CREB5: variants seen among roughly 807,000 people sequenced by gnomAD.
CREB5 encodes cAMP responsive element binding protein 5.
Under a neutral mutation model 57.1 loss-of-function variants are expected in CREB5, and 19 were observed. The observed-to-expected ratio is 0.33, with a 90% CI of 0.23 to 0.49. CREB5 has a LOEUF of 0.49. Among genes scored for constraint, CREB5 ranks in the 20% least tolerant of loss-of-function variants. The pLI, the probability that CREB5 is intolerant of heterozygous loss-of-function variation, is 0.99. For synonymous variants in CREB5, 238 were observed against 238.3 expected (o/e 1.00, Z 0.01); for missense variants, 579 against 671.6 (o/e 0.86, Z 1.52).
chr7:28,758,172 A>G (rs1302777669), intron 7 of CREB5, among the ~76,000 whole-genome samples: 1 of 152,170 alleles, frequency 6.6e-6, no homozygotes, highest in Non-Finnish European at 1.5e-5. Flanking sequence ...AGACATGAAG[A>G]TATCGAGGCT....
At chr7:28,719,583 C>T (rs1476542655) in intron 6 of CREB5, among the ~76,000 whole-genome samples, 1 of 152,190 alleles carries the variant, frequency 6.6e-6, no homozygotes, top group African/African-American at 2.4e-5. Flanking sequence ...TTCCCTCTCA[C>T]AACAAACCTG....
intron 1 of CREB5, among the ~76,000 whole-genome samples, chr7:28,317,147 G>T (rs550500086): frequency 6.6e-6 from 1 of 151,830 alleles, no homozygotes; most frequent in African/African-American, 2.4e-5. Flanking sequence ...TTTGCATTCT[G>T]CTGCCCATAT....
chr7:28,629,931 T>C (rs973006596), intron 5 of CREB5, among the ~76,000 whole-genome samples: 2 of 152,294 alleles, frequency 1.3e-5, no homozygotes, highest in East Asian at 3.9e-4. Context: ...CTATGGCACA[T>C]TCAGAAAACA....
chr7:28,336,144 G>T (rs1785818166), intron 1 of CREB5, among the ~76,000 whole-genome samples: 1 of 152,064 alleles, frequency 6.6e-6, no homozygotes, highest in African/African-American at 2.4e-5. Flanking sequence ...CAGAGACATT[G>T]GCCTGTAGTT....
intron 5 of CREB5, among the ~76,000 whole-genome samples, chr7:28,652,812 G>C (rs769405871): frequency 6.6e-6 from 1 of 152,158 alleles, no homozygotes; most frequent in Non-Finnish European, 1.5e-5. Context: ...GATGCTACCC[G>C]AATGTGTAAT....
intron 1 of CREB5, among the ~76,000 whole-genome samples, chr7:28,332,569 T>A (rs1180182986): frequency 6.6e-6 from 1 of 152,198 alleles, no homozygotes; most frequent in Non-Finnish European, 1.5e-5. Context: ...TACAACCCTG[T>A]ACACCTTCCC....
At chr7:28,672,701 G>T (rs1208933942) in intron 5 of CREB5, among the ~76,000 whole-genome samples, 3 of 152,096 alleles carry the variant, frequency 2.0e-5, no homozygotes, top group African/African-American at 7.2e-5. Context: ...CTACAATCCA[G>T]AGATACCAGC....
At chr7:28,560,732 C>T (rs1013598227) in intron 4 of CREB5, among the ~76,000 whole-genome samples, 19 of 151,686 alleles carry the variant, frequency 1.3e-4, no homozygotes, top group African/African-American at 4.4e-4. Context: ...ACCTGCTGAC[C>T]AGCCCTTTGC....
At chr7:28,503,152 T>C (rs902157352) in intron 3 of CREB5, among the ~76,000 whole-genome samples, 4 of 152,178 alleles carry the variant, frequency 2.6e-5, no homozygotes, top group Non-Finnish European at 5.9e-5. Context: ...TAATTCCTAA[T>C]TCGTAAGGCC....
chr7:28,647,039 C>T (rs1798916383), intron 5 of CREB5, among the ~76,000 whole-genome samples: 1 of 151,884 alleles, frequency 6.6e-6, no homozygotes, highest in African/African-American at 2.4e-5. Flanking sequence ...GAAGAAAAAG[C>T]TTACTCCTAT....
intron 9 of CREB5, among the ~76,000 whole-genome samples, chr7:28,811,722 ATATAAT>A (rs148582600): frequency 0.013 from 2,014 of 152,342 alleles, 36 homozygotes; most frequent in South Asian, 0.067. Context: ...GTATTGAAAA[ATATAAT>A]TAGAAGATCA....
chr7:28,328,016 G>A (rs1461929522), intron 1 of CREB5, among the ~76,000 whole-genome samples: 2 of 152,114 alleles, frequency 1.3e-5, no homozygotes, highest in African/African-American at 4.8e-5. Context: ...AAATCTTCTG[G>A]TGTAGATTGA....
Position 28,507,735 on chromosome 7 carries a change from C to T in CREB5, c.289C>T (p.Arg97Trp), listed in dbSNP as rs766189534. The T allele has an allele frequency of 1.2e-5, 19 of 1,598,978 alleles. No individual in the cohort carries two copies. The Admixed American group carries it at 1.9e-4, about 16-fold the overall frequency. Residue 97 changes from arginine to tryptophan, a missense_variant and splice_region_variant, in exon 4 of 11, where the codon CGG (arginine) becomes TGG (tryptophan). Transcript: ENST00000357727. Reference sequence around the variant, plus strand: ...GGCTCAGGAAGAGGAGAGCAGCAAGCGGGTAGGTTTGCTTGGATGGCCGCC... The same window carrying T: ...GGCTCAGGAAGAGGAGAGCAGCAAGTGGGTAGGTTTGCTTGGATGGCCGCC... Reference protein sequence around the residue: ...RKAQEEESSKRNISMHNAVGG... With the variant: ...RKAQEEESSKWNISMHNAVGG...
At position 28,391,497 on chromosome 7, in the gene CREB5, A is replaced by G. The variant is rs75400437; in HGVS notation, c.-25+92056A>G. ...TCAAAATGTTTTCATGCTTTCCAAT[A>G]TAATTACAGCGTAAAGTAAATGAAA... On this transcript the variant is annotated intron_variant, in intron 1 of 9. Transcript: ENST00000396299. Among the ~76,000 whole-genome samples, 997 of 152,382 alleles carry G rather than the reference A, an allele frequency of 6.5e-3. 12 individuals carry two copies. The highest frequency in any genetic ancestry group is 0.022 in the African/African-American group (902 of 41,592).
chr7:28,644,617 G>GAATTTCAATTTGAAATGTTTC (rs1562546085), intron 5 of CREB5, among the ~76,000 whole-genome samples: 3 of 151,998 alleles, frequency 2.0e-5, no homozygotes, highest in Non-Finnish European at 2.9e-5. Context: ...TTGAAATTTT[G>GAATTTCAATTTGAAATGTTTC]AATTTCAATT....
intron 1 of CREB5, among the ~76,000 whole-genome samples, chr7:28,381,699 A>T (rs1013104827): frequency 7.2e-5 from 11 of 152,174 alleles, no homozygotes; most frequent in African/African-American, 2.7e-4. Context: ...AATCCCTGAT[A>T]AAATTGGAAT....
intron 3 of CREB5, among the ~76,000 whole-genome samples, chr7:28,502,225 G>C (rs894694571): frequency 4.6e-5 from 7 of 152,132 alleles, no homozygotes; most frequent in African/African-American, 1.4e-4. Flanking sequence ...ATGGAATTCT[G>C]TGTGTTGTGA....
At chr7:28,726,367 T>C (rs1334847835) in intron 7 of CREB5, among the ~76,000 whole-genome samples, 1 of 152,154 alleles carries the variant, frequency 6.6e-6, no homozygotes, top group Non-Finnish European at 1.5e-5. Flanking sequence ...ACTGGAAAAA[T>C]GTTAAGTGAA....
intron 7 of CREB5, among the ~76,000 whole-genome samples, chr7:28,777,949 T>C (rs914445572): frequency 6.6e-6 from 1 of 152,250 alleles, no homozygotes; most frequent in African/African-American, 2.4e-5. Flanking sequence ...ATACGTATTC[T>C]TTGAAAACAT....
Sources: allele counts gnomAD v4.1 joint callset (sites outside exome capture counted in the v4.1 genomes callset), GRCh38; gene constraint gnomAD v4.1.1; transcripts MANE v1.5; gene names NCBI Gene and HGNC (gene_info 2026-07-23, HGNC 2026-07-21).